Variants in P2RY10 observed in about 807,000 individuals in gnomAD.
P2RY10 encodes P2Y receptor family member 10.
P2RY10 carries 4 observed loss-of-function variants against 12.1 expected under a neutral mutation model. The observed-to-expected ratio is 0.33, with a 90% CI of 0.16 to 0.76. The LOEUF (loss-of-function observed/expected upper bound fraction) is 0.76, where lower values mean the gene tolerates loss of function less well. Among genes scored for constraint, P2RY10 ranks in the 30% least tolerant of loss-of-function variants. The pLI is 0.61. For missense variants in P2RY10, 233 were observed against 264.6 expected (o/e 0.88, Z 0.83); for synonymous variants, 112 against 94.1 (o/e 1.19, Z -1.10).
chrX:78,962,289 C>A lies in P2RY10; in HGVS notation c.*749C>A, dbSNP rs1356086041. ...AGTCTTCTATCCCTCGCCCCCTTCCCACTCTTCCACACATAACATCTCATC... is the reference window on the plus strand; with the variant it reads ...AGTCTTCTATCCCTCGCCCCCTTCCAACTCTTCCACACATAACATCTCATC... On this transcript the variant is annotated 3_prime_UTR_variant, in exon 4 of 4. Transcript: ENST00000171757. 1.8e-5 allele frequency among the ~76,000 whole-genome samples: 2 copies of A among 111,111 alleles called. No individual in the cohort carries two copies. Among genetic ancestry groups the A allele is most frequent in the Admixed American group, 1.9e-4 (2 of 10,416 alleles).
At position 78,962,353 on chromosome X, in the gene P2RY10, A is replaced by G. The variant is rs751002398; in HGVS notation, c.*813A>G. Reference sequence around the variant, plus strand: ...AAACCTGTGGAAGTTGCCGATACAAATGAATAAATGGAACTTCAGAGAGGT... The same window carrying G: ...AAACCTGTGGAAGTTGCCGATACAAGTGAATAAATGGAACTTCAGAGAGGT... On this transcript the variant is annotated 3_prime_UTR_variant, in exon 4 of 4. Transcript: ENST00000171757. Among the ~76,000 whole-genome samples the G allele has an allele frequency of 8.1e-4, 91 of 111,879 alleles. No individual in the cohort carries two copies. Among genetic ancestry groups the G allele is most frequent in the Admixed American group, 4.6e-3 (48 of 10,539 alleles).
At chrX:78,949,967 C>A (rs1922032145) in intron 2 of P2RY10, among the ~76,000 whole-genome samples, 1 of 111,685 alleles carries the variant, frequency 9.0e-6, no homozygotes, top group South Asian at 3.7e-4. Context: ...TGAGGCAAAG[C>A]AAGTTAAGTT....
Position 78,962,584 on chromosome X carries a change from C to T in P2RY10, c.*1044C>T, listed in dbSNP as rs1350094065. On this transcript the variant is annotated 3_prime_UTR_variant, in exon 4 of 4. Transcript: ENST00000171757. ...GGTTTGCCTGGAATTCTCCAAAAAACCTGTGGGTTGTGGGTTTGGCATGTC... is the reference window on the plus strand; with the variant it reads ...GGTTTGCCTGGAATTCTCCAAAAAATCTGTGGGTTGTGGGTTTGGCATGTC... Among the ~76,000 whole-genome samples, 1 of 111,839 alleles carries T rather than the reference C, an allele frequency of 8.9e-6. No homozygotes were observed. Among genetic ancestry groups the T allele is most frequent in the African/African-American group, 3.3e-5 (1 of 30,724 alleles).
chrX:78,948,909 A>G (rs1282781356), intron 2 of P2RY10, among the ~76,000 whole-genome samples: 1 of 111,641 alleles, frequency 9.0e-6, no homozygotes, highest in Non-Finnish European at 1.9e-5. Flanking sequence ...TGCAATTGTG[A>G]TTAGTAGGAT....
At chrX:78,957,394 A>ATT (rs1922388820) in intron 3 of P2RY10, among the ~76,000 whole-genome samples, 2 of 103,566 alleles carry the variant, frequency 1.9e-5, no homozygotes, top group Non-Finnish European at 4.0e-5. Flanking sequence ...ACACAGAGAG[A>ATT]GAGAGAGAGA....
At chrX:78,950,862 G>T (rs1922073386) in intron 2 of P2RY10, among the ~76,000 whole-genome samples, 1 of 111,876 alleles carries the variant, frequency 8.9e-6, no homozygotes, top group Non-Finnish European at 1.9e-5. Context: ...TCATAACTCT[G>T]ACTGCAGAAA....
intron 3 of P2RY10, among the ~76,000 whole-genome samples, chrX:78,954,682 A>G (rs1050862037): frequency 1.8e-5 from 2 of 112,215 alleles, no homozygotes; most frequent in African/African-American, 6.5e-5. Flanking sequence ...GAAGGCAACA[A>G]CCATGGATTA....
At chrX:78,951,741 G>GT (rs1199092205) in intron 2 of P2RY10, among the ~76,000 whole-genome samples, 1 of 111,413 alleles carries the variant, frequency 9.0e-6, no homozygotes, top group Non-Finnish European at 1.9e-5. Context: ...TTTGATTTTT[G>GT]TTTTTTTGCC....
chrX:78,947,337 G>A (rs758211836), intron 1 of P2RY10, among the ~76,000 whole-genome samples: 12 of 111,966 alleles, frequency 1.1e-4, no homozygotes, highest in Admixed American at 1.9e-4. Context: ...AACAATCAGG[G>A]CAATGGTTCC....
chrX:78,953,692 G>A (rs1017962843), intron 3 of P2RY10, among the ~76,000 whole-genome samples: 2 of 111,158 alleles, frequency 1.8e-5, no homozygotes, highest in East Asian at 2.8e-4. Context: ...GACTGTCACA[G>A]GTTTAGCACT....
chrX:78,947,342 G>T (rs1389860631), intron 1 of P2RY10, among the ~76,000 whole-genome samples: 4 of 112,095 alleles, frequency 3.6e-5, no homozygotes, highest in African/African-American at 9.7e-5. Context: ...TCAGGGCAAT[G>T]GTTCCCCGGT....
At position 78,961,500 on chromosome X, in the gene P2RY10, G is replaced by A. The variant is rs1468203430; in HGVS notation, c.980G>A (p.Arg327His). 2.5e-6 allele frequency: 3 copies of A among 1,206,799 alleles called. No individual in the cohort carries two copies. Among genetic ancestry groups the A allele is most frequent in the Non-Finnish European group, 2.2e-6 (2 of 892,556 alleles). ...SRHGSSVTRSRLMSKESGSSM... is the reference protein window; with the variant it reads ...SRHGSSVTRSHLMSKESGSSM... ...CATGGCAGTTCTGTGACCCGCTCCCGCCTCATGAGCAAGGAGAGTGGTTCA... is the reference window on the plus strand; with the variant it reads ...CATGGCAGTTCTGTGACCCGCTCCCACCTCATGAGCAAGGAGAGTGGTTCA... Residue 327 changes from arginine (R) to histidine (H), a missense_variant, in exon 4 of 4, where the codon CGC becomes CAC. By Grantham distance (29) the Arg-to-His change is conservative. Coordinates refer to ENST00000171757, the MANE Select transcript of P2RY10 (RefSeq NM_014499.4).
chrX:78,952,594 G>A (rs766227889), intron 3 of P2RY10, among the ~76,000 whole-genome samples: 29 of 111,654 alleles, frequency 2.6e-4, no homozygotes, highest in Non-Finnish European at 3.8e-4. Context: ...ATTACTTTGG[G>A]AGTTGGAGAG....
chrX:78,947,955 G>T, intron 2 of P2RY10, 92 bp downstream of exon 2: 1 of 215,379 alleles, frequency 4.6e-6, no homozygotes, highest in Non-Finnish European at 6.8e-6. Flanking sequence ...ATGACACTCA[G>T]TTGGCATTTC....
intron 2 of P2RY10, among the ~76,000 whole-genome samples, chrX:78,950,152 G>A (rs1413785108): frequency 9.0e-6 from 1 of 111,286 alleles, no homozygotes; most frequent in Non-Finnish European, 1.9e-5. Flanking sequence ...AGTGGTGCCA[G>A]TGACTTACTG....
intron 3 of P2RY10, among the ~76,000 whole-genome samples, chrX:78,956,987 C>T (rs750451105): frequency 9.0e-6 from 1 of 110,992 alleles, no homozygotes; most frequent in South Asian, 3.8e-4. Flanking sequence ...GTTGCAATAG[C>T]CAATAGGGTT....
intron 3 of P2RY10, among the ~76,000 whole-genome samples, 196 bp downstream of exon 3, chrX:78,952,531 A>C (rs1173576313): frequency 8.9e-6 from 1 of 111,786 alleles, no homozygotes; most frequent in Non-Finnish European, 1.9e-5. Context: ...ACAACTATGG[A>C]GAGAAGGGCA....
At chrX:78,956,221 A>C (rs1052631004) in intron 3 of P2RY10, among the ~76,000 whole-genome samples, 8 of 111,497 alleles carry the variant, frequency 7.2e-5, no homozygotes, top group Non-Finnish European at 1.5e-4. Flanking sequence ...ACCACCTGTG[A>C]TTTCTAAATT....
At chrX:78,946,620 A>G (rs1921846208) in intron 1 of P2RY10, among the ~76,000 whole-genome samples, 1 of 112,369 alleles carries the variant, frequency 8.9e-6, no homozygotes, top group African/African-American at 3.2e-5. Flanking sequence ...TGGAGAATCT[A>G]TCTCTTAGCA....
Sources: gnomAD v4.1 joint callset for allele counts (sites outside exome capture counted in the v4.1 genomes callset) on GRCh38, gnomAD v4.1.1 for gene constraint, MANE v1.5 for transcripts, NCBI Gene and HGNC (gene_info 2026-07-23, HGNC 2026-07-21) for gene names.